FSTL5: variants seen among roughly 807,000 people sequenced by gnomAD.
The protein encoded by FSTL5 is follistatin like 5, also known as follistatin-related protein 5.
A neutral mutation model predicts 89.1 loss-of-function variants in FSTL5; 62 were observed. The ratio of observed to expected loss-of-function variants is 0.70; its 90% CI spans 0.57 to 0.86. FSTL5 has a LOEUF of 0.86. FSTL5 is among the 40% of genes least tolerant of loss of function. The pLI is 0.00. For synonymous variants in FSTL5, 383 were observed against 346.2 expected (o/e 1.11, Z -1.18); for missense variants, 1,057 against 1,001.6 (o/e 1.06, Z -0.75).
chr4:161,424,738 A>G (rs984272094), intron 15 of FSTL5, among the ~76,000 whole-genome samples: 3 of 152,222 alleles, frequency 2.0e-5, no homozygotes, highest in African/African-American at 7.2e-5. Context: ...GAGCTCCTGT[A>G]CTAGGTCCTA....
chr4:161,404,526 G>A (rs566851849), intron 15 of FSTL5, among the ~76,000 whole-genome samples: 1 of 152,182 alleles, frequency 6.6e-6, no homozygotes, highest in African/African-American at 2.4e-5. Context: ...TCAACATAGG[G>A]CCAATCCTGT....
At chr4:161,594,149 C>T (rs1221894305) in intron 7 of FSTL5, among the ~76,000 whole-genome samples, 2 of 151,974 alleles carry the variant, frequency 1.3e-5, no homozygotes, top group Admixed American at 6.6e-5. Flanking sequence ...ATAACATAGA[C>T]ATAAACACAG....
rs553668067 is a variant in FSTL5 at position 161,423,832 on chromosome 4, T to TTTTTATTTTA, written c.1841+31162_1841+31171dup. Among the ~76,000 whole-genome samples, 32 of 151,372 alleles carry TTTTTATTTTA rather than the reference T, an allele frequency of 2.1e-4. No individual in the cohort carries two copies. In the East Asian group the frequency reaches 5.8e-3, roughly 28 times the overall value. Reference sequence around the variant, plus strand: ...GGACAAGGCTTGATCTTTCCTAGTATTTTTATTTTATTTTATTTTATTTTA... The same window carrying TTTTTATTTTA: ...GGACAAGGCTTGATCTTTCCTAGTATTTTTATTTTATTTTATTTTATTTTATTTTATTTTA... On this transcript the variant is annotated intron_variant, in intron 15 of 15. Transcript: ENST00000306100.
chr4:161,748,022 A>G (rs1740261922), intron 6 of FSTL5, among the ~76,000 whole-genome samples: 2 of 152,254 alleles, frequency 1.3e-5, no homozygotes, highest in South Asian at 4.1e-4. Flanking sequence ...AAAAGAATGT[A>G]TAATATAATA....
intron 4 of FSTL5, among the ~76,000 whole-genome samples, chr4:161,850,404 A>T (rs1473444260): frequency 2.0e-5 from 3 of 152,238 alleles, no homozygotes; most frequent in Non-Finnish European, 2.9e-5. Context: ...GTAGCCATTC[A>T]GCATGATAAG....
chr4:161,695,028 A>G (rs1738089877), intron 6 of FSTL5, among the ~76,000 whole-genome samples: 1 of 152,020 alleles, frequency 6.6e-6, no homozygotes, highest in South Asian at 2.1e-4. Flanking sequence ...TTTAAATTTA[A>G]TCATCTGTTT....
intron 10 of FSTL5, among the ~76,000 whole-genome samples, chr4:161,533,819 T>C (rs866084380): frequency 6.6e-6 from 1 of 151,668 alleles, no homozygotes; most frequent in Non-Finnish European, 1.5e-5. Flanking sequence ...TGAACATAGA[T>C]GCAAAAATCC....
intron 2 of FSTL5, chr4:162,047,515 G>A (rs536572472): frequency 6.6e-6 from 1 of 151,860 alleles, no homozygotes; most frequent in Non-Finnish European, 1.5e-5. Flanking sequence ...AGCCAAACAC[G>A]AGTCAAATTT....
intron 4 of FSTL5, among the ~76,000 whole-genome samples, chr4:161,874,827 T>C (rs1347681224): frequency 6.6e-6 from 1 of 152,120 alleles, no homozygotes; most frequent in African/African-American, 2.4e-5. Flanking sequence ...GAATTCATAA[T>C]TGGTGAAGCT....
In FSTL5 at chr4:161,467,610, A is replaced by G. The variant is rs1311082288; in HGVS notation, c.1609-8291T>C. On this transcript the variant is annotated intron_variant, in intron 13 of 15. Transcript: ENST00000306100. ...AACCTCAAGAGGATTTAAAATTCTA[A>G]AAGATGAATGATTTTCAAGTATAAA... Among the ~76,000 whole-genome samples, 3 of 152,126 alleles carry G rather than the reference A, an allele frequency of 2.0e-5. No individual in the cohort carries two copies. The East Asian group carries it at 5.8e-4, about 29-fold the overall frequency.
At chr4:161,398,145 T>A (rs1013472690) in intron 15 of FSTL5, among the ~76,000 whole-genome samples, 4 of 152,078 alleles carry the variant, frequency 2.6e-5, no homozygotes, top group Admixed American at 2.6e-4. Flanking sequence ...AAAGCAATAA[T>A]GTCCCTCAGT....
chr4:161,385,726 A>T lies in FSTL5; in HGVS notation c.*21T>A. 6.8e-7 allele frequency: 1 copy of T among 1,472,442 alleles called. No individual in the cohort carries two copies. The highest frequency in any genetic ancestry group is 9.2e-7 in the Non-Finnish European group (1 of 1,083,806). The allele number at this position is 1,472,442 out of a possible 1,614,324, so 91.2% of individuals were successfully genotyped here. A position where few individuals can be genotyped will look rare whatever the true frequency, so the allele number is the denominator to read the frequency against. On this transcript the variant is annotated 3_prime_UTR_variant, in exon 16 of 16. Coordinates refer to ENST00000306100, the MANE Select transcript of FSTL5 (RefSeq NM_020116.5). The stretch of plus-strand genomic sequence containing the variant: ...CAATGTATTGTAAAACGCTTCATTC[A>T]ATAATTGTATCGTAGGGTTTTTAGG...
intron 6 of FSTL5, among the ~76,000 whole-genome samples, chr4:161,667,907 AATACAT>A (rs1346326123): frequency 6.6e-6 from 1 of 152,092 alleles, no homozygotes; most frequent in Admixed American, 6.5e-5. Flanking sequence ...TCAGGCATTG[AATACAT>A]ATATTAACAA....
intron 4 of FSTL5, among the ~76,000 whole-genome samples, chr4:161,856,402 AT>A (rs1731722320): frequency 6.6e-6 from 1 of 152,046 alleles, no homozygotes; most frequent in African/African-American, 2.4e-5. Context: ...ATAAATAATG[AT>A]TTCTAAGAGC....
chr4:162,025,946 A>T (rs1391687835), intron 3 of FSTL5, among the ~76,000 whole-genome samples: 1 of 152,020 alleles, frequency 6.6e-6, no homozygotes, highest in African/African-American at 2.4e-5. Context: ...GCACTTAACT[A>T]AATGCTAAGT....
intron 4 of FSTL5, among the ~76,000 whole-genome samples, chr4:161,841,808 C>A (rs1039218588): frequency 1.3e-5 from 2 of 152,050 alleles, no homozygotes; most frequent in African/African-American, 2.4e-5. Context: ...ATTGTTTATT[C>A]CACTAGTTGG....
At chr4:161,533,410 A>T (rs1030574446) in intron 10 of FSTL5, among the ~76,000 whole-genome samples, 2 of 152,144 alleles carry the variant, frequency 1.3e-5, no homozygotes, top group African/African-American at 4.8e-5. Flanking sequence ...GATCCCTCAG[A>T]AATAGAAAAG....
intron 15 of FSTL5, among the ~76,000 whole-genome samples, chr4:161,439,547 T>C (rs1270971825): frequency 1.3e-5 from 2 of 152,214 alleles, no homozygotes; most frequent in African/African-American, 4.8e-5. Flanking sequence ...TGGGCTAAAA[T>C]ATGCAAAGAA....
At chr4:162,155,652 G>A (rs1733438523) in intron 1 of FSTL5, among the ~76,000 whole-genome samples, 1 of 152,132 alleles carries the variant, frequency 6.6e-6, no homozygotes, top group African/African-American at 2.4e-5. Context: ...AAATCACATG[G>A]GAGCACAGTA....
Sources: gnomAD v4.1 joint callset for allele counts (sites outside exome capture counted in the v4.1 genomes callset) on GRCh38, gnomAD v4.1.1 for gene constraint, MANE v1.5 for transcripts, NCBI Gene and HGNC (gene_info 2026-07-23, HGNC 2026-07-21) for gene names.